Variants in CTNNA3 observed in about 807,000 individuals in gnomAD.
The protein encoded by CTNNA3 is catenin alpha-3.
CTNNA3 carries 76 observed loss-of-function variants against 95.7 expected under a neutral mutation model. That is an observed-to-expected ratio of 0.79 (90% CI 0.66 to 0.96). The LOEUF (loss-of-function observed/expected upper bound fraction) is 0.96. Among genes scored for constraint, CTNNA3 ranks in the 40% least tolerant of loss-of-function variants. The pLI is 0.00. For missense variants in CTNNA3, 1,191 were observed against 1,089.8 expected (o/e 1.09, Z -1.31); for synonymous variants, 431 against 374.4 (o/e 1.15, Z -1.74).
intron 13 of CTNNA3, among the ~76,000 whole-genome samples, chr10:66,132,319 A>C (rs1255911253): frequency 6.6e-6 from 1 of 152,250 alleles, no homozygotes; most frequent in Non-Finnish European, 1.5e-5. Context: ...ATCACTGATC[A>C]TTAGAGAAGT....
rs560915663 is a variant in CTNNA3 at position 67,368,170 on chromosome 10, TA to T, written c.580-148301del. On this transcript the variant is annotated intron_variant, in intron 5 of 17. Transcript: ENST00000433211. ...ATACCTAGAATATTTAAAGAAGTTT[TA>T]CAACTTGATAGAAGGACAAACAAAA... is the stretch of plus-strand genomic sequence containing the variant. Among the ~76,000 whole-genome samples, 363 of 152,202 alleles carry T rather than the reference TA, an allele frequency of 2.4e-3. 1 individual carries two copies. Among genetic ancestry groups the T allele is most frequent in the Non-Finnish European group, 4.4e-3 (298 of 68,010 alleles).
chr10:66,029,688 GA>G (rs1564589321), intron 15 of CTNNA3, among the ~76,000 whole-genome samples: 1 of 152,052 alleles, frequency 6.6e-6, no homozygotes, highest in Non-Finnish European at 1.5e-5. Flanking sequence ...TGTTCAATGG[GA>G]TATAAGCTTC....
intron 5 of CTNNA3, among the ~76,000 whole-genome samples, chr10:67,510,264 T>C (rs548346905): frequency 6.6e-5 from 10 of 152,298 alleles, no homozygotes; most frequent in South Asian, 4.1e-4. Context: ...TCTTTGCCCA[T>C]GCCTATGTCC....
chr10:67,039,498 C>G (rs1854267254), intron 7 of CTNNA3, among the ~76,000 whole-genome samples: 1 of 152,042 alleles, frequency 6.6e-6, no homozygotes, highest in African/African-American at 2.4e-5. Context: ...TTAAATTATG[C>G]CTCTATTTAC....
Position 66,032,273 on chromosome 10 carries a change from A to C in CTNNA3, c.2159+37035T>G, listed in dbSNP as rs189000153. Among the ~76,000 whole-genome samples the C allele has an allele frequency of 1.3e-3, 203 of 152,290 alleles. 3 individuals are homozygous for C. Among genetic ancestry groups the C allele is most frequent in the African/African-American group, 4.7e-3 (195 of 41,576 alleles). Reference sequence around the variant, plus strand: ...CTTAATAATTACTAACCTAACTAACAAACATTGTTTTTCTTTTGCATGTGA... The same window carrying C: ...CTTAATAATTACTAACCTAACTAACCAACATTGTTTTTCTTTTGCATGTGA... On this transcript the variant is annotated intron_variant, in intron 15 of 17. Coordinates refer to ENST00000433211, the MANE Select transcript of CTNNA3 (RefSeq NM_013266.4).
intron 7 of CTNNA3, among the ~76,000 whole-genome samples, chr10:67,105,998 C>G (rs955962597): frequency 6.6e-6 from 1 of 152,170 alleles, no homozygotes; most frequent in African/African-American, 2.4e-5. Context: ...AACTTCAAAC[C>G]TGAGTTTCTT....
Position 67,468,920 on chromosome 10 carries a change from TCTC to T in CTNNA3, c.579+52919_579+52921del, listed in dbSNP as rs1326061402. On this transcript the variant is annotated intron_variant, in intron 5 of 17. Transcript: ENST00000433211. The stretch of plus-strand genomic sequence containing the variant: ...TGACAGCTTACCTAAAACAATCACT[TCTC>T]CTATTTTTATTTTCATTTGTTTTGA... 2.6e-5 allele frequency among the ~76,000 whole-genome samples: 4 copies of T among 152,142 alleles called. No individual in the cohort carries two copies. In the East Asian group the frequency reaches 7.7e-4, roughly 29 times the overall value.
intron 3 of CTNNA3, among the ~76,000 whole-genome samples, chr10:67,549,624 C>T (rs915469174): frequency 2.0e-5 from 3 of 152,098 alleles, no homozygotes; most frequent in Non-Finnish European, 4.4e-5. Context: ...CAGACAGAGT[C>T]GGCAAACTAT....
At chr10:66,214,898 C>T (rs1427866703) in intron 13 of CTNNA3, among the ~76,000 whole-genome samples, 6 of 151,882 alleles carry the variant, frequency 4.0e-5, no homozygotes, top group Non-Finnish European at 7.4e-5. Flanking sequence ...AACTAGCTCT[C>T]AACCCAATTC....
intron 5 of CTNNA3, among the ~76,000 whole-genome samples, chr10:67,436,853 G>A (rs886428261): frequency 6.6e-6 from 1 of 152,146 alleles, no homozygotes; most frequent in Non-Finnish European, 1.5e-5. Context: ...GGTGATCAGG[G>A]AACACTTCTA....
chr10:66,148,322 A>G (rs1013678138), intron 13 of CTNNA3, among the ~76,000 whole-genome samples: 7 of 152,106 alleles, frequency 4.6e-5, no homozygotes, highest in African/African-American at 1.7e-4. Flanking sequence ...TCTCACCACA[A>G]AAATGTTGCA....
intron 7 of CTNNA3, among the ~76,000 whole-genome samples, chr10:66,977,944 G>A (rs914221617): frequency 6.6e-6 from 1 of 151,864 alleles, no homozygotes; most frequent in African/African-American, 2.4e-5. Context: ...CATATTTTAG[G>A]AAAAATGACA....
chr10:67,300,540 C>G (rs540452426), intron 5 of CTNNA3, among the ~76,000 whole-genome samples: 4 of 152,326 alleles, frequency 2.6e-5, no homozygotes, highest in African/African-American at 9.6e-5. Context: ...TTTCCCCAAG[C>G]CTGTGAATTC....
intron 7 of CTNNA3, among the ~76,000 whole-genome samples, chr10:66,785,464 A>G (rs972285128): frequency 6.6e-6 from 1 of 152,082 alleles, no homozygotes; most frequent in Non-Finnish European, 1.5e-5. Context: ...AGGAAGGACA[A>G]TTTTGCTCTC....
chr10:66,271,229 A>G (rs564491765), intron 13 of CTNNA3, among the ~76,000 whole-genome samples: 70 of 152,262 alleles, frequency 4.6e-4, no homozygotes, highest in African/African-American at 1.6e-3. Flanking sequence ...TGGAGTTATA[A>G]AATTCCCAGT....
chr10:66,691,738 C>T (rs1053243343), intron 9 of CTNNA3, among the ~76,000 whole-genome samples: 5 of 152,158 alleles, frequency 3.3e-5, no homozygotes, highest in African/African-American at 7.2e-5. Context: ...ACACCTCACA[C>T]GGCTGGGTAC....
At chr10:67,239,499 G>A (rs967357694) in intron 5 of CTNNA3, among the ~76,000 whole-genome samples, 10 of 152,096 alleles carry the variant, frequency 6.6e-5, no homozygotes, top group African/African-American at 7.2e-5. Context: ...GGTGATTAGA[G>A]ACTAAACAGG....
intron 7 of CTNNA3, among the ~76,000 whole-genome samples, chr10:67,064,589 A>G (rs1855958744): frequency 6.6e-6 from 1 of 152,156 alleles, no homozygotes; most frequent in Non-Finnish European, 1.5e-5. Context: ...CTTAGTCATC[A>G]TTTGTGTTTT....
chr10:67,332,502 T>C (rs1381506989), intron 5 of CTNNA3, among the ~76,000 whole-genome samples: 1 of 152,160 alleles, frequency 6.6e-6, no homozygotes, highest in Non-Finnish European at 1.5e-5. Flanking sequence ...CATTAGGAAC[T>C]AGTGATCCAC....
Sources: gnomAD v4.1 joint callset for allele counts (sites outside exome capture counted in the v4.1 genomes callset) on GRCh38, gnomAD v4.1.1 for gene constraint, MANE v1.5 for transcripts, NCBI Gene and HGNC (gene_info 2026-07-23, HGNC 2026-07-21) for gene names.